The following SLC22A2 variants were observed in gnomAD, a reference collection of about 807,000 sequenced individuals.
SLC22A2 encodes organic cation transporter 2.
SLC22A2 carries 46 observed loss-of-function variants against 60.5 expected under a neutral mutation model. The ratio of observed to expected loss-of-function variants is 0.76; its 90% CI spans 0.60 to 0.97. SLC22A2 has a LOEUF of 0.97. SLC22A2 is among the 50% of genes least tolerant of loss of function. SLC22A2 has a pLI of 0.00. For synonymous variants in SLC22A2, 303 were observed against 267.0 expected, an observed-to-expected ratio of 1.13 and a Z score of -1.31; for missense variants, 701 against 706.6, an observed-to-expected ratio of 0.99 and a Z score of 0.09.
intron 9 of SLC22A2, among the ~76,000 whole-genome samples, chr6:160,240,072 T>A (rs1016572216): frequency 1.3e-5 from 2 of 151,832 alleles, no homozygotes; most frequent in African/African-American, 4.8e-5. Flanking sequence ...TCAGTCGAGG[T>A]TTATTAAGTC....
intron 5 of SLC22A2, among the ~76,000 whole-genome samples, chr6:160,245,848 C>A (rs2114866162): frequency 6.6e-6 from 1 of 151,084 alleles, no homozygotes; most frequent in Middle Eastern, 3.4e-3. Context: ...CAGGCATGCA[C>A]CACAATGCCC....
intron 9 of SLC22A2, among the ~76,000 whole-genome samples, chr6:160,225,543 A>G (rs1162754394): frequency 6.6e-6 from 1 of 152,174 alleles, no homozygotes; most frequent in Non-Finnish European, 1.5e-5. Context: ...CACAGATCCC[A>G]AGCTCTGAGG....
intron 6 of SLC22A2, chr6:160,244,704 T>G (rs1160763750): frequency 6.6e-6 from 1 of 152,222 alleles, no homozygotes; most frequent in Admixed American, 6.5e-5. Flanking sequence ...AAGCTGCCTC[T>G]CCTGTGCACT....
Position 160,247,170 on chromosome 6 carries a change from A to C in SLC22A2, c.957+14T>G. On this transcript the variant is annotated intron_variant, in intron 5 of 10. Transcript: ENST00000366953. ...TCTCCATCCCCTGATTTGATACTTA[A>C]GGCCCTGGCTCACCTGAAGGGAGGC... The C allele has an allele frequency of 7.1e-7, 1 of 1,416,416 alleles. No individual in the cohort carries two copies. The highest frequency in any genetic ancestry group is 1.0e-6 in the Non-Finnish European group (1 of 999,908). The allele number at this position is 1,416,416 out of a possible 1,614,324, so 87.7% of individuals were successfully genotyped here.
At chr6:160,256,859 G>T in intron 1 of SLC22A2, 142 bp from the exon 2 acceptor site, 7 of 566,574 alleles carry the variant, frequency 1.2e-5, no homozygotes, top group Admixed American at 3.2e-5. Context: ...ATAAGCCATT[G>T]TTTCTTGATC....
At position 160,241,316 on chromosome 6, in the gene SLC22A2, T is replaced by C. The variant is rs114897022; in HGVS notation, c.1501+158A>G. Reference sequence around the variant, plus strand: ...ATAATATTACTAATTACTAGGCACATCCAGGAAGAACGCAAGCCACAGACA... The same window carrying C: ...ATAATATTACTAATTACTAGGCACACCCAGGAAGAACGCAAGCCACAGACA... On this transcript the variant is annotated intron_variant, in intron 9 of 10. Coordinates refer to ENST00000366953, the MANE Select transcript of SLC22A2 (RefSeq NM_003058.4). 4.4e-3 allele frequency among the ~76,000 whole-genome samples: 669 copies of C among 152,252 alleles called. 6 individuals carry two copies. Among genetic ancestry groups the C allele is most frequent in the African/African-American group, 0.015 (632 of 41,548 alleles).
intron 9 of SLC22A2, among the ~76,000 whole-genome samples, chr6:160,233,566 T>A (rs1267467182): frequency 6.6e-6 from 1 of 151,924 alleles, no homozygotes; most frequent in African/African-American, 2.4e-5. Flanking sequence ...CCTTGGACAC[T>A]CTCTAATTGG....
At chr6:160,255,807 T>C (rs1363632329) in intron 2 of SLC22A2, among the ~76,000 whole-genome samples, 1 of 152,144 alleles carries the variant, frequency 6.6e-6, no homozygotes, top group Non-Finnish European at 1.5e-5. Context: ...ATGAAGCAAA[T>C]TTTTGGTTCC....
At chr6:160,241,355 A>G in intron 9 of SLC22A2, 119 bp downstream of exon 9, 2 of 641,580 alleles carry the variant, frequency 3.1e-6, no homozygotes, top group Non-Finnish European at 5.6e-6. Flanking sequence ...CATTACTACT[A>G]TGAGTAGTAA....
At chr6:160,239,865 A>G in intron 9 of SLC22A2, among the ~76,000 whole-genome samples, 1 of 152,284 alleles carries the variant, frequency 6.6e-6, no homozygotes, top group East Asian at 1.9e-4. Flanking sequence ...TTTTGCAGGT[A>G]AGTTCCATCA....
In SLC22A2 at chr6:160,258,644, C is replaced by G; in HGVS notation, c.114G>C (p.Val38=). The G allele has an allele frequency of 6.2e-7, 1 of 1,613,866 alleles. No homozygotes were observed. Among genetic ancestry groups the G allele is most frequent in the Admixed American group, 1.7e-5 (1 of 60,002 alleles). ...LLSATFAPIY[V]GIVFLGFTPD... Reference sequence around the variant, plus strand: ...GGGTGAAGCCCAGGAAGACGATGCCCACGTAGATGGGCGCGAAGGTAGCCG... The same window carrying G: ...GGGTGAAGCCCAGGAAGACGATGCCGACGTAGATGGGCGCGAAGGTAGCCG... Residue 38 remains valine (V), a synonymous_variant, in exon 1 of 11, where the codon GTG becomes GTC. Transcript: ENST00000366953.
chr6:160,241,255 C>G (rs757961216), intron 9 of SLC22A2, among the ~76,000 whole-genome samples: 3 of 151,992 alleles, frequency 2.0e-5, no homozygotes, highest in Non-Finnish European at 4.4e-5. Context: ...ATTATGAATA[C>G]TGAACTAGTA....
rs756619790 is a variant in SLC22A2 at position 160,258,560 on chromosome 6, A to G, written c.198T>C (p.Ser66=). ...VAELSLRCGW[S]PAEELNYTVP... is the part of the protein sequence containing the mutation. ...CCGTGTAGTTCAGTTCCTCTGCAGG[A>G]CTCCAGCCGCAGCGCAGACTCAGCT... is the stretch of plus-strand genomic sequence containing the variant. The change falls in exon 1 of 11, where the codon AGT becomes AGC. Residue 66 remains serine (S), a synonymous_variant. Coordinates refer to ENST00000366953, the MANE Select transcript of SLC22A2 (RefSeq NM_003058.4). The G allele has an allele frequency of 1.2e-6, 2 of 1,613,248 alleles. No individual in the cohort carries two copies. The highest frequency in any genetic ancestry group is 2.2e-5 in the South Asian group (2 of 91,026).
chr6:160,232,842 C>T lies in SLC22A2; in HGVS notation c.1502-8038G>A, dbSNP rs535879790. Reference sequence around the variant, plus strand: ...CTCATCTGACCACTCCCACCTACTCCCCACTGAAACTTCCACATATTAATC... The same window carrying T: ...CTCATCTGACCACTCCCACCTACTCTCCACTGAAACTTCCACATATTAATC... On this transcript the variant is annotated intron_variant, in intron 9 of 10. Transcript: ENST00000366953. Among the ~76,000 whole-genome samples, 5 of 152,030 alleles carry T rather than the reference C, an allele frequency of 3.3e-5. No homozygotes were observed. In the South Asian group the frequency reaches 1.0e-3, roughly 32 times the overall value.
Position 160,217,487 on chromosome 6 carries a change from T to G in SLC22A2, c.1613A>C (p.Asn538Thr), listed in dbSNP as rs545673100. 2.3e-5 allele frequency: 36 copies of G among 1,590,740 alleles called. No homozygotes were observed. Among genetic ancestry groups the G allele is most frequent in the Admixed American group, 6.7e-5 (4 of 59,818 alleles). The change falls in exon 11 of 11, where the codon AAT (asparagine) becomes ACT (threonine). Residue 538 changes from asparagine (N) to threonine (T), a missense_variant. Physicochemically the swap from Asn to Thr is moderately conservative, Grantham distance 65. Transcript: ENST00000366953. ...EAENMQRPRK[N>T]KEKMIYLQVQ... ...TTGGAGGTAAATCATCTTTTCTTTA[T>G]TTTTTCTTGGTCTGCAATAAGAAAT... is the stretch of plus-strand genomic sequence containing the variant.
intron 10 of SLC22A2, chr6:160,218,199 C>T: frequency 8.0e-6 from 2 of 249,990 alleles, no homozygotes; most frequent in South Asian, 3.9e-5. Context: ...CAGAAGCTTA[C>T]CCAAATCACC....
intron 2 of SLC22A2, among the ~76,000 whole-genome samples, chr6:160,251,939 A>G (rs566081659): frequency 2.6e-5 from 4 of 152,324 alleles, no homozygotes; most frequent in Admixed American, 6.5e-5. Flanking sequence ...TTAAGTCTTA[A>G]AACTCTGTTT....
chr6:160,240,086 T>C (rs1013987099), intron 9 of SLC22A2, among the ~76,000 whole-genome samples: 6 of 152,176 alleles, frequency 3.9e-5, no homozygotes, highest in Admixed American at 3.9e-4. Context: ...TTAAGTCAGC[T>C]TTAGGGCATG....
Position 160,231,757 on chromosome 6 carries a change from C to A in SLC22A2, c.1502-6953G>T, listed in dbSNP as rs947514820. The stretch of plus-strand genomic sequence containing the variant: ...TGTTCTAGATAAACCTAGCTGACCC[C>A]ATAAATCCTAAATCCTTTCCCCACT... On this transcript the variant is annotated intron_variant, in intron 9 of 10. Transcript: ENST00000366953. 2.0e-4 allele frequency among the ~76,000 whole-genome samples: 31 copies of A among 151,810 alleles called. 1 individual carries two copies. The highest frequency in any genetic ancestry group is 4.0e-4 in the Non-Finnish European group (27 of 68,008).
Sources: gnomAD v4.1 joint callset for allele counts (sites outside exome capture counted in the v4.1 genomes callset) on GRCh38, gnomAD v4.1.1 for gene constraint, MANE v1.5 for transcripts, NCBI Gene and HGNC (gene_info 2026-07-23, HGNC 2026-07-21) for gene names.